MCTP1: variants seen among roughly 807,000 people sequenced by gnomAD.
MCTP1 encodes the protein multiple C2 and transmembrane domain containing 1.
Under a neutral mutation model 120.6 loss-of-function variants are expected in MCTP1, and 69 were observed. The ratio of observed to expected loss-of-function variants is 0.57; its 90% CI spans 0.47 to 0.70. MCTP1 has a LOEUF of 0.70. MCTP1 is among the 30% of genes least tolerant of loss of function. The pLI, the probability that MCTP1 is intolerant of heterozygous loss-of-function variation, is 0.00. For missense variants in MCTP1, 1,203 were observed against 1,248.8 expected, an observed-to-expected ratio of 0.96 and a Z score of 0.55; for synonymous variants, 529 against 493.1, an observed-to-expected ratio of 1.07 and a Z score of -0.96.
intron 10 of MCTP1, among the ~76,000 whole-genome samples, chr5:94,907,900 T>C (rs1807349219): frequency 6.6e-6 from 1 of 152,050 alleles, no homozygotes; most frequent in African/African-American, 2.4e-5. Context: ...ATAAGAGAGT[T>C]TGAATACAAA....
chr5:95,196,254 G>T (rs1342910241), intron 1 of MCTP1, among the ~76,000 whole-genome samples: 1 of 152,052 alleles, frequency 6.6e-6, no homozygotes, highest in East Asian at 1.9e-4. Context: ...TCCTTATGTT[G>T]GTAACATTAA....
At chr5:95,128,465 T>C (rs1049125969) in intron 1 of MCTP1, among the ~76,000 whole-genome samples, 12 of 152,220 alleles carry the variant, frequency 7.9e-5, no homozygotes, top group Non-Finnish European at 1.6e-4. Context: ...GTGGTATACA[T>C]GTACAAGGGA....
chr5:94,776,177 T>C (rs753101462), intron 19 of MCTP1, among the ~76,000 whole-genome samples: 6 of 152,092 alleles, frequency 3.9e-5, no homozygotes, highest in Non-Finnish European at 5.9e-5. Flanking sequence ...TTGTCATGTA[T>C]ATAATTATGC....
At chr5:95,001,379 C>T (rs771768910) in intron 2 of MCTP1, among the ~76,000 whole-genome samples, 6 of 151,998 alleles carry the variant, frequency 3.9e-5, no homozygotes, top group Non-Finnish European at 5.9e-5. Flanking sequence ...TGGAGGGCTC[C>T]GAAGAAGACA....
intron 1 of MCTP1, among the ~76,000 whole-genome samples, chr5:95,177,732 C>T (rs1176087965): frequency 6.6e-6 from 1 of 152,110 alleles, no homozygotes; most frequent in Non-Finnish European, 1.5e-5. Flanking sequence ...TTGCAATTAC[C>T]ACAGTTAATG....
intron 1 of MCTP1, among the ~76,000 whole-genome samples, chr5:95,245,546 C>A (rs1011432057): frequency 6.6e-6 from 1 of 151,448 alleles, no homozygotes; most frequent in Non-Finnish European, 1.5e-5. Context: ...GTTTCAATAG[C>A]CAATTTGATC....
Position 94,764,314 on chromosome 5 carries a change from A to C in MCTP1, c.2610+14796T>G, listed in dbSNP as rs145788265. Among the ~76,000 whole-genome samples the C allele has an allele frequency of 1.5e-4, 23 of 152,334 alleles. No homozygotes were observed. In the East Asian group the frequency reaches 3.3e-3, roughly 22 times the overall value. Reference sequence around the variant, plus strand: ...TCACCACCATGTTAACAACTCTAGAATAGCTTCCCATTGATAAGAACCTAA... The same window carrying C: ...TCACCACCATGTTAACAACTCTAGACTAGCTTCCCATTGATAAGAACCTAA... On this transcript the variant is annotated intron_variant, in intron 19 of 22. Transcript: ENST00000515393.
intron 2 of MCTP1, among the ~76,000 whole-genome samples, chr5:95,007,187 A>T (rs1274505245): frequency 6.6e-6 from 1 of 152,142 alleles, no homozygotes; most frequent in African/African-American, 2.4e-5. Context: ...TGAGAACAGC[A>T]TGAGGGTAAT....
At chr5:95,222,310 G>T (rs1376883679) in intron 1 of MCTP1, among the ~76,000 whole-genome samples, 1 of 152,150 alleles carries the variant, frequency 6.6e-6, no homozygotes, top group Non-Finnish European at 1.5e-5. Context: ...TTTATTCCAG[G>T]AATCCATGTG....
chr5:94,961,009 C>G (rs1824000662), intron 2 of MCTP1, among the ~76,000 whole-genome samples: 1 of 152,074 alleles, frequency 6.6e-6, no homozygotes, highest in South Asian at 2.1e-4. Context: ...GTAGCAAAGA[C>G]TTAGAACCAA....
chr5:95,148,575 C>T (rs1178478295), intron 1 of MCTP1, among the ~76,000 whole-genome samples: 10 of 152,154 alleles, frequency 6.6e-5, no homozygotes, highest in African/African-American at 2.2e-4. Context: ...ATGGCTATTT[C>T]ATTTTTCAGC....
chr5:94,715,976 TACTG>T (rs1430688393), intron 19 of MCTP1, among the ~76,000 whole-genome samples: 1 of 152,226 alleles, frequency 6.6e-6, no homozygotes, highest in Admixed American at 6.5e-5. Context: ...CACATTTACA[TACTG>T]ACTTTCATTT....
At chr5:94,926,137 T>C (rs1023285518) in intron 6 of MCTP1, among the ~76,000 whole-genome samples, 11 of 152,214 alleles carry the variant, frequency 7.2e-5, no homozygotes, top group Non-Finnish European at 1.0e-4. Flanking sequence ...TTTCATCAGA[T>C]GGAATAACAA....
intron 1 of MCTP1, among the ~76,000 whole-genome samples, chr5:95,216,890 G>T (rs1034935251): frequency 1.3e-5 from 2 of 152,148 alleles, no homozygotes; most frequent in Admixed American, 1.3e-4. Flanking sequence ...GTACAAGAGA[G>T]CAGCCAGTAT....
chr5:94,835,630 A>G (rs149071474), intron 17 of MCTP1, among the ~76,000 whole-genome samples: 3 of 152,304 alleles, frequency 2.0e-5, no homozygotes, highest in African/African-American at 7.2e-5. Flanking sequence ...CTATATCCCC[A>G]TGACTTCTCA....
chr5:95,229,388 C>T (rs1019723624), intron 1 of MCTP1, among the ~76,000 whole-genome samples: 11 of 152,300 alleles, frequency 7.2e-5, no homozygotes, highest in Non-Finnish European at 1.6e-4. Flanking sequence ...AGTATATCTA[C>T]AATTTCTCCT....
intron 1 of MCTP1, among the ~76,000 whole-genome samples, chr5:95,216,644 G>A (rs114716555): frequency 0.2 from 29,750 of 151,988 alleles, 3,067 homozygotes; most frequent in Non-Finnish European, 0.23. Flanking sequence ...AGTAGCTATG[G>A]CAAGAGACAT....
chr5:95,235,609 T>C (rs557318209), intron 1 of MCTP1, among the ~76,000 whole-genome samples: 130 of 152,216 alleles, frequency 8.5e-4, no homozygotes, highest in African/African-American at 3.0e-3. Flanking sequence ...AAATAAAAGT[T>C]AGAAATTTTT....
intron 19 of MCTP1, among the ~76,000 whole-genome samples, chr5:94,719,808 G>A (rs1760435379): frequency 6.6e-6 from 1 of 152,136 alleles, no homozygotes; most frequent in Non-Finnish European, 1.5e-5. Context: ...TGCATGTCCT[G>A]CGCATGTGTC....
Sources: allele counts gnomAD v4.1 joint callset (sites outside exome capture counted in the v4.1 genomes callset), GRCh38; gene constraint gnomAD v4.1.1; transcripts MANE v1.5; gene names NCBI Gene and HGNC (gene_info 2026-07-23, HGNC 2026-07-21).